The following NFKB1 variants were observed in gnomAD, a reference collection of about 807,000 sequenced individuals.
NFKB1 encodes the protein nuclear factor kappa B subunit 1.
A neutral mutation model predicts 105.1 loss-of-function variants in NFKB1; 9 were observed. The observed-to-expected ratio is 0.09, with a 90% CI of 0.05 to 0.15. The LOEUF (loss-of-function observed/expected upper bound fraction) is 0.15, where lower values mean the gene tolerates loss of function less well. Ranked by LOEUF, NFKB1 falls within the 10% of genes least tolerant of loss-of-function variation. NFKB1 has a pLI of 1.00. For missense variants in NFKB1, 830 were observed against 1,203.7 expected (o/e 0.69, Z 4.59); for synonymous variants, 440 against 442.2 (o/e 1.00, Z 0.06).
chr4:102,607,086 T>G (rs1727822513), intron 17 of NFKB1, 64 bp from the exon 18 acceptor site: 11 of 1,549,534 alleles, frequency 7.1e-6, no homozygotes, highest in Non-Finnish European at 9.8e-6. Context: ...TCCTTCAGCT[T>G]CACAAGGGCC....
chr4:102,600,111 A>G (rs948866872), intron 15 of NFKB1, among the ~76,000 whole-genome samples: 3 of 152,210 alleles, frequency 2.0e-5, no homozygotes, highest in African/African-American at 7.2e-5. Context: ...CTGCAGTTGC[A>G]TAACCAAGCA....
At chr4:102,566,955 A>T (rs769650546) in intron 5 of NFKB1, 32 bp from the exon 6 acceptor site, 83 of 1,611,502 alleles carry the variant, frequency 5.2e-5, no homozygotes, top group Middle Eastern at 1.6e-4. Flanking sequence ...AGAGTCAGAT[A>T]TGCTAACTTT....
At position 102,612,588 on chromosome 4, in the gene NFKB1, A is replaced by C; in HGVS notation, c.2574A>C (p.Thr858=). The part of the protein sequence containing the change: ...AFRLSPAPSK[T]LMDNYEVSGG... ...GGCTGAGTCCTGCTCCTTCCAAAAC[A>C]CTTATGGACAACTATGAGGTAACAC... Residue 858 remains threonine (T), a synonymous_variant, in exon 22 of 24, where the codon ACA becomes ACC. Transcript: ENST00000226574. 1 of 1,613,688 alleles carries C rather than the reference A, an allele frequency of 6.2e-7. No homozygotes were observed. Among genetic ancestry groups the C allele is most frequent in the Non-Finnish European group, 8.5e-7 (1 of 1,179,974 alleles).
intron 16 of NFKB1, among the ~76,000 whole-genome samples, chr4:102,602,557 G>T (rs1055817531): frequency 6.6e-5 from 10 of 151,142 alleles, no homozygotes; most frequent in Non-Finnish European, 1.2e-4. Flanking sequence ...AAAAAAAAGT[G>T]TGCTTTAAAG....
intron 1 of NFKB1, among the ~76,000 whole-genome samples, chr4:102,518,483 AC>A (rs1429628096): frequency 6.6e-6 from 1 of 151,868 alleles, no homozygotes; most frequent in African/African-American, 2.4e-5. Flanking sequence ...ATTAACCCAT[AC>A]CCCACATATA....
chr4:102,513,817 G>A (rs1578705958), intron 1 of NFKB1, among the ~76,000 whole-genome samples: 2 of 152,026 alleles, frequency 1.3e-5, no homozygotes, highest in South Asian at 4.1e-4. Flanking sequence ...AATTTATTGA[G>A]ACTTACTTTA....
intron 11 of NFKB1, among the ~76,000 whole-genome samples, chr4:102,586,847 G>A (rs980885396): frequency 1.3e-5 from 2 of 152,218 alleles, no homozygotes. Context: ...AAGCCACATG[G>A]GTGGGTGTTG....
chr4:102,561,265 CTT>C (rs551312422), intron 5 of NFKB1, among the ~76,000 whole-genome samples: 2,183 of 138,224 alleles, frequency 0.016, 26 homozygotes, highest in African/African-American at 0.041. Context: ...TCTTTCTTTC[CTT>C]TTTTTTTTTT....
At chr4:102,559,946 A>T (rs905618861) in intron 5 of NFKB1, among the ~76,000 whole-genome samples, 4 of 151,604 alleles carry the variant, frequency 2.6e-5, no homozygotes, top group African/African-American at 9.7e-5. Context: ...CCTTTAAAAA[A>T]AAAAAAAAAG....
intron 16 of NFKB1, among the ~76,000 whole-genome samples, chr4:102,605,569 G>A (rs1489260951): frequency 3.9e-5 from 6 of 152,158 alleles, no homozygotes; most frequent in Non-Finnish European, 2.9e-5. Context: ...TGAAAGATAC[G>A]TTTGTGATTG....
At chr4:102,566,926 C>T (rs1332673928) in intron 5 of NFKB1, 61 bp from the exon 6 acceptor site, 17 of 1,567,076 alleles carry the variant, frequency 1.1e-5, no homozygotes, top group Admixed American at 3.4e-5. Context: ...TTATCATAAA[C>T]ATGTTTCCAT....
chr4:102,555,595 TTATA>T (rs1560668911), intron 5 of NFKB1, among the ~76,000 whole-genome samples: 1 of 152,086 alleles, frequency 6.6e-6, no homozygotes, highest in Non-Finnish European at 1.5e-5. Context: ...GTTGGGATGA[TTATA>T]GAAGGATTCA....
At chr4:102,535,389 G>A (rs975796157) in intron 4 of NFKB1, among the ~76,000 whole-genome samples, 4 of 152,162 alleles carry the variant, frequency 2.6e-5, no homozygotes, top group African/African-American at 9.7e-5. Flanking sequence ...TTTACCTGAA[G>A]GGTTAATGTA....
intron 8 of NFKB1, 54 bp downstream of exon 8, chr4:102,579,093 C>T (rs1725108152): frequency 1.9e-6 from 3 of 1,560,060 alleles, no homozygotes; most frequent in Middle Eastern, 2.1e-4. Context: ...TCCAGCCCTG[C>T]CCTGCCATTT....
intron 1 of NFKB1, among the ~76,000 whole-genome samples, chr4:102,514,018 A>G (rs926757031): frequency 6.6e-6 from 1 of 151,900 alleles, no homozygotes; most frequent in Admixed American, 6.6e-5. Flanking sequence ...CTAAAAAAAT[A>G]CAAAAACTTA....
chr4:102,549,033 T>C (rs1404285429), intron 5 of NFKB1, among the ~76,000 whole-genome samples: 1 of 152,120 alleles, frequency 6.6e-6, no homozygotes, highest in East Asian at 1.9e-4. Context: ...CCAGTAGCCC[T>C]ACGAGTATAG....
intron 3 of NFKB1, among the ~76,000 whole-genome samples, chr4:102,533,084 A>G (rs769983663): frequency 1.3e-5 from 2 of 152,180 alleles, no homozygotes; most frequent in African/African-American, 4.8e-5. Context: ...TATTTTCAGT[A>G]TTTTATAAAA....
chr4:102,558,848 G>C (rs909789126), intron 5 of NFKB1, among the ~76,000 whole-genome samples: 2 of 152,164 alleles, frequency 1.3e-5, no homozygotes, highest in Non-Finnish European at 2.9e-5. Flanking sequence ...TAATGGAGAA[G>C]AGAGGCAGTA....
intron 4 of NFKB1, among the ~76,000 whole-genome samples, chr4:102,536,144 T>G (rs1027605287): frequency 4.6e-5 from 7 of 152,308 alleles, no homozygotes; most frequent in African/African-American, 1.7e-4. Context: ...ATACATGTGT[T>G]GTTTTTTTCA....
Sources: allele counts gnomAD v4.1 joint callset (sites outside exome capture counted in the v4.1 genomes callset), GRCh38; gene constraint gnomAD v4.1.1; transcripts MANE v1.5; gene names NCBI Gene and HGNC (gene_info 2026-07-23, HGNC 2026-07-21).